Variants in OPCML observed in about 807,000 individuals in gnomAD.
OPCML encodes the protein opioid binding protein/cell adhesion molecule like, also known as opioid-binding protein/cell adhesion molecule.
A neutral mutation model predicts 37.8 loss-of-function variants in OPCML; 13 were observed. The observed-to-expected ratio is 0.34, with a 90% CI of 0.22 to 0.55. The LOEUF (loss-of-function observed/expected upper bound fraction) is 0.55, where lower values mean the gene tolerates loss of function less well. Ranked by LOEUF, OPCML falls within the 20% of genes least tolerant of loss-of-function variation. OPCML has a pLI of 0.91. For synonymous variants in OPCML, 176 were observed against 168.8 expected, an observed-to-expected ratio of 1.04 and a Z score of -0.33; for missense variants, 341 against 435.6, an observed-to-expected ratio of 0.78 and a Z score of 1.93.
chr11:133,003,731 G>A, intron 1 of OPCML: 2 of 985,364 alleles, frequency 2.0e-6, no homozygotes, highest in Non-Finnish European at 2.4e-6. Context: ...TTGAATATCT[G>A]ACTTCCTGGA....
intron 1 of OPCML, among the ~76,000 whole-genome samples, chr11:133,061,758 T>C (rs1174742494): frequency 1.3e-5 from 2 of 152,236 alleles, no homozygotes; most frequent in Non-Finnish European, 2.9e-5. Flanking sequence ...TTTAATGTGC[T>C]ATGCAAAAGG....
chr11:133,453,995 C>G (rs7126160), intron 1 of OPCML, among the ~76,000 whole-genome samples: 20,192 of 152,128 alleles, frequency 0.13, 3,191 homozygotes, highest in African/African-American at 0.38. Context: ...TAGTTTCACA[C>G]AAGAACCTAA....
At chr11:132,647,241 C>A (rs1157168318) in intron 3 of OPCML, among the ~76,000 whole-genome samples, 2 of 152,170 alleles carry the variant, frequency 1.3e-5, no homozygotes, top group Non-Finnish European at 2.9e-5. Flanking sequence ...ATCAGCAGGG[C>A]CCTTAGCTTC....
intron 2 of OPCML, among the ~76,000 whole-genome samples, chr11:132,852,268 C>G (rs1431999035): frequency 6.6e-6 from 1 of 152,122 alleles, no homozygotes; most frequent in Non-Finnish European, 1.5e-5. Context: ...TGCAAAAAAA[C>G]TACTGAAAAA....
At chr11:132,984,371 G>A (rs1227297009) in intron 1 of OPCML, among the ~76,000 whole-genome samples, 1 of 152,108 alleles carries the variant, frequency 6.6e-6, no homozygotes, top group African/African-American at 2.4e-5. Context: ...ATATTCCTCA[G>A]TACTGGGACC....
At chr11:133,132,916 T>C (rs986592497) in intron 1 of OPCML, among the ~76,000 whole-genome samples, 6 of 147,870 alleles carry the variant, frequency 4.1e-5, no homozygotes, top group African/African-American at 1.5e-4. Context: ...CCCAAAGATA[T>C]GGAGATGGGT....
intron 2 of OPCML, among the ~76,000 whole-genome samples, chr11:132,792,686 G>A (rs1938004474): frequency 6.6e-6 from 1 of 152,182 alleles, no homozygotes; most frequent in African/African-American, 2.4e-5. Context: ...CGGAGGGGAT[G>A]GGCGGCCCCC....
intron 2 of OPCML, among the ~76,000 whole-genome samples, chr11:132,766,290 T>G (rs934089367): frequency 2.2e-4 from 33 of 152,122 alleles, no homozygotes; most frequent in Admixed American, 1.4e-3. Flanking sequence ...AGGAAAGTTA[T>G]TTACATAGTC....
chr11:132,579,423 G>T, intron 3 of OPCML, among the ~76,000 whole-genome samples: 1 of 149,990 alleles, frequency 6.7e-6, no homozygotes, highest in Non-Finnish European at 1.5e-5. Flanking sequence ...GTGTGATGAG[G>T]GAGGCTGGGG....
chr11:132,793,566 T>C (rs904301721), intron 2 of OPCML, among the ~76,000 whole-genome samples: 3 of 152,156 alleles, frequency 2.0e-5, no homozygotes, highest in Non-Finnish European at 1.5e-5. Flanking sequence ...GCCAGAGAGA[T>C]ACAATCCCTT....
intron 1 of OPCML, among the ~76,000 whole-genome samples, chr11:133,105,543 C>T (rs1418239756): frequency 2.0e-5 from 3 of 151,938 alleles, no homozygotes; most frequent in Non-Finnish European, 2.9e-5. Context: ...CAGAAGTAGG[C>T]TGAAAATGGA....
intron 1 of OPCML, among the ~76,000 whole-genome samples, chr11:133,167,111 C>T (rs546186455): frequency 4.6e-5 from 7 of 152,244 alleles, no homozygotes; most frequent in Middle Eastern, 6.8e-3. Context: ...GAGAGGTACA[C>T]GGTGTCTTCT....
intron 1 of OPCML, among the ~76,000 whole-genome samples, chr11:132,989,165 G>A (rs542154135): frequency 7.2e-5 from 11 of 152,234 alleles, no homozygotes; most frequent in South Asian, 6.2e-4. Context: ...GTGACCCAGC[G>A]AATCCATTCC....
At chr11:133,270,393 T>A (rs1387629234) in intron 1 of OPCML, among the ~76,000 whole-genome samples, 1 of 152,166 alleles carries the variant, frequency 6.6e-6, no homozygotes, top group Non-Finnish European at 1.5e-5. Context: ...TCTTTGTTCA[T>A]CTGGAAAATG....
intron 3 of OPCML, among the ~76,000 whole-genome samples, chr11:132,631,986 T>C (rs1940159600): frequency 6.6e-6 from 1 of 152,082 alleles, no homozygotes; most frequent in Non-Finnish European, 1.5e-5. Flanking sequence ...TTATAAGTTT[T>C]GTCCAGGTTT....
At chr11:133,196,790 G>A (rs544640298) in intron 1 of OPCML, among the ~76,000 whole-genome samples, 4 of 152,214 alleles carry the variant, frequency 2.6e-5, no homozygotes, top group South Asian at 4.2e-4. Flanking sequence ...CTGTGGTTGG[G>A]CACTCATAAT....
At chr11:132,875,599 T>A (rs7104738) in intron 2 of OPCML, among the ~76,000 whole-genome samples, 8,695 of 151,908 alleles carry the variant, frequency 0.057, 328 homozygotes, top group South Asian at 0.18. Context: ...CGAGTAGCTG[T>A]GAGTACAGGC....
intron 1 of OPCML, among the ~76,000 whole-genome samples, chr11:133,253,082 C>A (rs1941192456): frequency 6.8e-6 from 1 of 146,580 alleles, no homozygotes. Context: ...GGAGGAAGAG[C>A]TTTCAGTGAG....
rs533032976 is a variant in OPCML at position 132,875,113 on chromosome 11, A to G, written c.146+67813T>C. Reference sequence around the variant, plus strand: ...AAAGGGGATATGCACTTTGAAATCTATGAAACTTAACCATTTTTTAAAAAA... The same window carrying G: ...AAAGGGGATATGCACTTTGAAATCTGTGAAACTTAACCATTTTTTAAAAAA... On this transcript the variant is annotated intron_variant, in intron 2 of 7. Coordinates refer to ENST00000524381, the MANE Select transcript of OPCML (RefSeq NM_001012393.5). Among the ~76,000 whole-genome samples the G allele has an allele frequency of 1.1e-4, 16 of 152,358 alleles. No homozygotes were observed. The South Asian group carries it at 3.1e-3, about 30-fold the overall frequency.
Sources: allele counts gnomAD v4.1 joint callset (sites outside exome capture counted in the v4.1 genomes callset), GRCh38; gene constraint gnomAD v4.1.1; transcripts MANE v1.5; gene names NCBI Gene and HGNC (gene_info 2026-07-23, HGNC 2026-07-21).